Variants in MAP3K21 observed in about 807,000 individuals in gnomAD.
MAP3K21 encodes the protein mitogen-activated protein kinase kinase kinase MLK4.
A neutral mutation model predicts 86.1 loss-of-function variants in MAP3K21; 63 were observed. The observed-to-expected ratio is 0.73, with a 90% CI of 0.60 to 0.90. The LOEUF is 0.90. Ranked by LOEUF, MAP3K21 falls within the 40% of genes least tolerant of loss-of-function variation. MAP3K21 has a pLI of 0.00. For synonymous variants in MAP3K21, 558 were observed against 564.8 expected, an observed-to-expected ratio of 0.99 and a Z score of 0.17; for missense variants, 1,220 against 1,367.7, an observed-to-expected ratio of 0.89 and a Z score of 1.70.
At position 233,362,073 on chromosome 1, in the gene MAP3K21, G is replaced by T; in HGVS notation, c.1332G>T (p.Glu444Asp). The stretch of plus-strand genomic sequence containing the variant: ...CGCAGGAGCTGCGATCCCGGGAAGA[G>T]GAGCTGACTCGGGCGGCTCTGCAGC... ...TKEKELRSRE[E>D]ELTRAALQQK... The change falls in exon 5 of 10, where the codon GAG becomes GAT. Residue 444 changes from glutamate to aspartate, a missense_variant. By Grantham distance (45) the Glu-to-Asp change is conservative. Transcript: ENST00000366624. 1 of 1,612,820 alleles carries T rather than the reference G, an allele frequency of 6.2e-7. No individual in the cohort carries two copies. The highest frequency in any genetic ancestry group is 8.5e-7 in the Non-Finnish European group (1 of 1,179,438).
chr1:233,331,011 T>A lies in MAP3K21; in HGVS notation c.805+2178T>A, dbSNP rs1662800947. ...TTAAAGAACTCCTAATATTATTAAA[T>A]GGTAAAAAGAAATAACATGACCCTG... is the stretch of plus-strand genomic sequence containing the variant. On this transcript the variant is annotated intron_variant, in intron 1 of 9. Transcript: ENST00000366624. 3.3e-5 allele frequency among the ~76,000 whole-genome samples: 5 copies of A among 152,156 alleles called. No homozygotes were observed. The South Asian group carries it at 1.0e-3, about 31-fold the overall frequency.
intron 1 of MAP3K21, among the ~76,000 whole-genome samples, chr1:233,334,963 C>CTT (rs10640127): frequency 0.53 from 78,178 of 146,492 alleles, 21,302 homozygotes; most frequent in African/African-American, 0.65. Context: ...TTCTTTCTTT[C>CTT]TTTTTTTTTT....
intron 1 of MAP3K21, among the ~76,000 whole-genome samples, chr1:233,339,603 C>G (rs189445974): frequency 1.3e-5 from 2 of 151,966 alleles, no homozygotes; most frequent in African/African-American, 2.4e-5. Flanking sequence ...ACCTCAGCCT[C>G]CCAAATAGCT....
At chr1:233,375,231 G>A (rs1458117376) in intron 6 of MAP3K21, among the ~76,000 whole-genome samples, 1 of 152,052 alleles carries the variant, frequency 6.6e-6, no homozygotes, top group Non-Finnish European at 1.5e-5. Flanking sequence ...CGTGAGCCAT[G>A]GCGCCTGGCC....
chr1:233,347,474 C>T (rs1298228075), intron 2 of MAP3K21, among the ~76,000 whole-genome samples: 1 of 152,132 alleles, frequency 6.6e-6, no homozygotes, highest in Non-Finnish European at 1.5e-5. Flanking sequence ...CTAGAACTTA[C>T]TTGCCATTGT....
intron 8 of MAP3K21, among the ~76,000 whole-genome samples, chr1:233,377,372 A>G (rs1028761525): frequency 2.6e-5 from 4 of 152,208 alleles, no homozygotes; most frequent in Admixed American, 6.5e-5. Context: ...GCAAGACACA[A>G]TGTAAATGTA....
chr1:233,330,598 A>G (rs1572235874), intron 1 of MAP3K21, among the ~76,000 whole-genome samples: 1 of 152,136 alleles, frequency 6.6e-6, no homozygotes, highest in South Asian at 2.1e-4. Flanking sequence ...CATCAACAGC[A>G]CCATTCATTC....
chr1:233,375,445 TAAAG>T (rs1461187326), intron 6 of MAP3K21, among the ~76,000 whole-genome samples: 3 of 152,082 alleles, frequency 2.0e-5, no homozygotes, highest in African/African-American at 4.8e-5. Context: ...GACCAAAAAA[TAAAG>T]AAAGAAATAA....
chr1:233,384,795 T>C lies in MAP3K21; in HGVS notation c.*2084T>C, dbSNP rs1182392828. ...TTATTCCCCTTTAGCTTTATTTTAG[T>C]CAACTCTACATTATGATGAATTTCA... On this transcript the variant is annotated 3_prime_UTR_variant, in exon 10 of 10. Transcript: ENST00000366624. 6.6e-6 allele frequency: 1 copy of C among 152,164 alleles called. No homozygotes were observed. The highest frequency in any genetic ancestry group is 2.4e-5 in the African/African-American group (1 of 41,444). The allele number at this position is 152,164 out of a possible 1,614,324, so 9.4% of individuals were successfully genotyped here. A position where few individuals can be genotyped will look rare whatever the true frequency, so the allele number is the denominator to read the frequency against.
intron 2 of MAP3K21, among the ~76,000 whole-genome samples, chr1:233,351,147 A>G (rs1663245808): frequency 1.3e-5 from 2 of 151,966 alleles, no homozygotes; most frequent in Admixed American, 1.3e-4. Context: ...AAGTTTACTT[A>G]TTTTTGAAAT....
In MAP3K21 at chr1:233,354,994, T is replaced by C. The variant is rs373115959; in HGVS notation, c.1294T>C (p.Leu432=). ...KLEIQQMFDE[L]RTKEKELRSR... ...AGAAATTCAACAAATGTTTGATGAG[T>C]TGAGAACAAAGGAAAAGGTGAGAGA... is the stretch of plus-strand genomic sequence containing the variant. Residue 432 remains leucine (L), a synonymous_variant, in exon 4 of 10, where the codon TTG becomes CTG. Coordinates refer to ENST00000366624, the MANE Select transcript of MAP3K21 (RefSeq NM_032435.3). 30 of 1,612,182 alleles carry C rather than the reference T, an allele frequency of 1.9e-5. No homozygotes were observed. Among genetic ancestry groups the C allele is most frequent in the Non-Finnish European group, 2.2e-5 (26 of 1,178,944 alleles).
chr1:233,363,356 C>G (rs1025420118), intron 5 of MAP3K21, among the ~76,000 whole-genome samples: 3 of 152,122 alleles, frequency 2.0e-5, no homozygotes, highest in East Asian at 3.8e-4. Context: ...TTGCAGAATC[C>G]TGTGACTAAT....
At chr1:233,366,848 T>A (rs1663586026) in intron 5 of MAP3K21, among the ~76,000 whole-genome samples, 1 of 135,824 alleles carries the variant, frequency 7.4e-6, no homozygotes, top group Admixed American at 8.9e-5. Context: ...TCAAAAGTGA[T>A]TTTTTTTTCC....
intron 5 of MAP3K21, among the ~76,000 whole-genome samples, chr1:233,362,973 G>A (rs1391453038): frequency 6.6e-6 from 1 of 151,794 alleles, no homozygotes; most frequent in Non-Finnish European, 1.5e-5. Context: ...AAAATATATC[G>A]ATCAATATAG....
At chr1:233,336,334 A>G (rs1257291689) in intron 1 of MAP3K21, among the ~76,000 whole-genome samples, 2 of 152,142 alleles carry the variant, frequency 1.3e-5, no homozygotes, top group Non-Finnish European at 2.9e-5. Flanking sequence ...TGAGGTCAGG[A>G]GTTCAAGATC....
intron 1 of MAP3K21, among the ~76,000 whole-genome samples, chr1:233,333,330 G>C (rs1662846958): frequency 6.6e-6 from 1 of 150,628 alleles, no homozygotes; most frequent in African/African-American, 2.4e-5. Flanking sequence ...TGTCCCAATG[G>C]TAACTGAGAT....
intron 1 of MAP3K21, among the ~76,000 whole-genome samples, chr1:233,331,332 A>C (rs1233751212): frequency 6.6e-6 from 1 of 152,232 alleles, no homozygotes; most frequent in African/African-American, 2.4e-5. Context: ...CCATTATCAT[A>C]GTTATTTAAT....
intron 1 of MAP3K21, among the ~76,000 whole-genome samples, chr1:233,332,756 C>T (rs1486652309): frequency 6.6e-6 from 1 of 152,122 alleles, no homozygotes; most frequent in Non-Finnish European, 1.5e-5. Context: ...TATCAAATTG[C>T]AGAAGTGCAA....
rs1470872830 is a variant in MAP3K21 at position 233,379,330 on chromosome 1, G to T, written c.2324G>T (p.Ser775Ile). 1 of 1,614,182 alleles carries T rather than the reference G, an allele frequency of 6.2e-7. No homozygotes were observed. ...QRASKSRRSA[S>I]PPTSLPSTCG... The stretch of plus-strand genomic sequence containing the variant: ...GCTTCCAAGTCCCGCAGAAGCGCCA[G>T]TCCTCCCACAAGCCTGCCATCCACC... Residue 775 changes from serine (S) to isoleucine (I), a missense_variant, in exon 9 of 10, where the codon AGT (serine) becomes ATT (isoleucine). Ser to Ile is a moderately radical substitution (Grantham distance 142, BLOSUM62 -2). This residue lies in a region of MAP3K21 where 632 missense variants were observed against 691.3 expected (regional missense o/e 0.91). Transcript: ENST00000366624.
Sources: allele counts gnomAD v4.1 joint callset (sites outside exome capture counted in the v4.1 genomes callset), GRCh38; gene constraint gnomAD v4.1.1; regional missense constraint gnomAD v4.1.1; transcripts MANE v1.5; gene names NCBI Gene and HGNC (gene_info 2026-07-23, HGNC 2026-07-21).